SPATA9: variants seen among roughly 807,000 people sequenced by gnomAD.
SPATA9 encodes the protein spermatogenesis-associated protein 9.
A neutral mutation model predicts 25.5 loss-of-function variants in SPATA9; 27 were observed. That is an observed-to-expected ratio of 1.06 (90% confidence interval 0.78 to 1.46). SPATA9 has a LOEUF of 1.46. Ranked by LOEUF, SPATA9 falls within the 40% of genes most tolerant of loss-of-function variation. SPATA9 has a pLI of 0.00. For missense variants in SPATA9, 282 were observed against 297.5 expected, an observed-to-expected ratio of 0.95 and a Z score of 0.38; for synonymous variants, 102 against 105.7, an observed-to-expected ratio of 0.97 and a Z score of 0.21.
At chr5:95,665,011 G>A (rs1751636316) in intron 3 of SPATA9, among the ~76,000 whole-genome samples, 1 of 152,110 alleles carries the variant, frequency 6.6e-6, no homozygotes, top group African/African-American at 2.4e-5. Flanking sequence ...GGAAAATTAT[G>A]TTATATCCAC....
intron 2 of SPATA9, among the ~76,000 whole-genome samples, chr5:95,681,015 A>G (rs1753407882): frequency 6.6e-6 from 1 of 152,146 alleles, no homozygotes; most frequent in African/African-American, 2.4e-5. Context: ...TGCTCAACCC[A>G]TTCTATTTCC....
upstream of SPATA9, among the ~76,000 whole-genome samples, chr5:95,703,432 G>A (rs1307452871): frequency 6.6e-6 from 1 of 152,046 alleles, no homozygotes; most frequent in Non-Finnish European, 1.5e-5. Context: ...TCATGAGTTC[G>A]AGACCAGCCT....
chr5:95,670,296 T>C (rs1752246366), intron 3 of SPATA9: 1 of 152,210 alleles, frequency 6.6e-6, no homozygotes, highest in Admixed American at 6.5e-5. Flanking sequence ...CTATTCTAGT[T>C]ATTGTTTGTG....
the SPATA9 span, among the ~76,000 whole-genome samples, chr5:95,723,734 C>T: frequency 7.2e-5 from 11 of 152,168 alleles, no homozygotes; most frequent in East Asian, 5.8e-4. Flanking sequence ...CTTCCTGTCT[C>T]GCAGCCTCCC....
chr5:95,654,287 A>C (rs373510843), downstream of SPATA9: 4 of 1,609,086 alleles, frequency 2.5e-6, no homozygotes, highest in African/African-American at 1.3e-5. Context: ...AACTATCAAA[A>C]TTTCAGTTTT....
At chr5:95,697,740 T>C (rs1008110222) in intron 1 of SPATA9, among the ~76,000 whole-genome samples, 8 of 152,222 alleles carry the variant, frequency 5.3e-5, no homozygotes, top group Non-Finnish European at 1.2e-4. Flanking sequence ...CAATAAACAC[T>C]GTCAATTGTT....
At chr5:95,695,052 T>C (rs895994472) in intron 1 of SPATA9, among the ~76,000 whole-genome samples, 12 of 152,194 alleles carry the variant, frequency 7.9e-5, no homozygotes, top group African/African-American at 2.2e-4. Flanking sequence ...AAATATACAG[T>C]ACATACAGTA....
At chr5:95,656,387 T>G (rs764841285), downstream of SPATA9, 3 of 1,249,056 alleles carry the variant, frequency 2.4e-6, no homozygotes, top group Non-Finnish European at 3.3e-6. Context: ...GTTTTAAAGG[T>G]GATGAAATTT....
chr5:95,655,482 A>G (rs1478762110), downstream of SPATA9: 1 of 152,166 alleles, frequency 6.6e-6, no homozygotes, highest in Non-Finnish European at 1.5e-5. Flanking sequence ...TGTCACCCCA[A>G]CCCCTTAGAC....
At chr5:95,706,574 T>C in the SPATA9 span, among the ~76,000 whole-genome samples, 1 of 152,130 alleles carries the variant, frequency 6.6e-6, no homozygotes, top group Non-Finnish European at 1.5e-5. Flanking sequence ...TATGTCTTTA[T>C]AGTGTGTGAG....
chr5:95,691,212 T>C (rs1300685285), intron 1 of SPATA9, among the ~76,000 whole-genome samples: 1 of 104,020 alleles, frequency 9.6e-6, no homozygotes, highest in East Asian at 4.4e-4. Flanking sequence ...CAAGACTCCG[T>C]CTCAAAAAAA....
intron 3 of SPATA9, among the ~76,000 whole-genome samples, chr5:95,673,452 G>C (rs1260658903): frequency 1.3e-5 from 2 of 152,150 alleles, no homozygotes; most frequent in Non-Finnish European, 2.9e-5. Flanking sequence ...CTTGTGGGTA[G>C]TGTAAGATCT....
the SPATA9 span, among the ~76,000 whole-genome samples, chr5:95,721,646 A>T: frequency 6.6e-6 from 1 of 151,916 alleles, no homozygotes; most frequent in Non-Finnish European, 1.5e-5. Context: ...AATATTTTAA[A>T]TATTTAAGGA....
chr5:95,705,611 T>C, the SPATA9 span, among the ~76,000 whole-genome samples: 17 of 152,304 alleles, frequency 1.1e-4, no homozygotes, highest in Admixed American at 5.2e-4. Context: ...TATAACTTTA[T>C]AAAAAGAAAA....
At chr5:95,731,507 C>T in the SPATA9 span, 10 of 1,251,206 alleles carry the variant, frequency 8.0e-6, no homozygotes, top group Non-Finnish European at 1.0e-5. Flanking sequence ...CCGGCTCGCT[C>T]GCTGGCTGGC....
chr5:95,731,889 G>T, the SPATA9 span: 1 of 1,613,836 alleles, frequency 6.2e-7, no homozygotes, highest in Non-Finnish European at 8.5e-7. Flanking sequence ...TGGGGAACGA[G>T]GGGGACACAT....
chr5:95,652,440 GTC>G, downstream of SPATA9: 4 of 1,390,872 alleles, frequency 2.9e-6, no homozygotes, highest in Non-Finnish European at 3.9e-6. Flanking sequence ...CTACTTGGAT[GTC>G]TCTGAGATAC....
chr5:95,689,913 T>C (rs1753840627), intron 1 of SPATA9, among the ~76,000 whole-genome samples: 1 of 152,156 alleles, frequency 6.6e-6, no homozygotes, highest in African/African-American at 2.4e-5. Context: ...AAGGCCATTA[T>C]CCTAAGCAAA....
the SPATA9 span, among the ~76,000 whole-genome samples, chr5:95,712,151 C>T: frequency 6.6e-6 from 1 of 152,078 alleles, no homozygotes; most frequent in Non-Finnish European, 1.5e-5. Flanking sequence ...GTAAGTTGGG[C>T]GTGGGGACAT....
Sources: gnomAD v4.1 joint callset for allele counts (sites outside exome capture counted in the v4.1 genomes callset) on GRCh38, gnomAD v4.1.1 for gene constraint, MANE v1.5 for transcripts, NCBI Gene and HGNC (gene_info 2026-07-23, HGNC 2026-07-21) for gene names.